The following DDX60 variants were observed in gnomAD, a reference collection of about 807,000 sequenced individuals.
DDX60 encodes DExD/H-box helicase 60, also known as probable ATP-dependent RNA helicase DDX60.
Under a neutral mutation model 212.8 loss-of-function variants are expected in DDX60, and 165 were observed. That is an observed-to-expected ratio of 0.78 (90% CI 0.68 to 0.88). The LOEUF (loss-of-function observed/expected upper bound fraction) is 0.88, where lower values mean the gene tolerates loss of function less well. Among genes scored for constraint, DDX60 ranks in the 40% least tolerant of loss-of-function variants. The pLI is 0.00. For synonymous variants in DDX60, 703 were observed against 685.3 expected (o/e 1.03, Z -0.40); for missense variants, 1,905 against 2,003.9 (o/e 0.95, Z 0.94).
chr4:168,224,687 T>C (rs1023141712), intron 34 of DDX60, among the ~76,000 whole-genome samples: 27 of 152,090 alleles, frequency 1.8e-4, no homozygotes, highest in African/African-American at 6.3e-4. Flanking sequence ...AGAGAATTAT[T>C]GTTATTACCT....
chr4:168,227,209 TG>T (rs1417474216), intron 33 of DDX60, among the ~76,000 whole-genome samples: 3 of 115,996 alleles, frequency 2.6e-5, no homozygotes, highest in East Asian at 2.3e-4. Context: ...TTTGTGGGAA[TG>T]TTTTTTTTTT....
Position 168,293,964 on chromosome 4 carries a change from G to T in DDX60, c.724-19C>A. The T allele has an allele frequency of 6.2e-7, 1 of 1,601,326 alleles. No individual in the cohort carries two copies. Among genetic ancestry groups the T allele is most frequent in the Non-Finnish European group, 8.5e-7 (1 of 1,175,960 alleles). On this transcript the variant is annotated intron_variant, in intron 6 of 37. Coordinates refer to ENST00000393743, the MANE Select transcript of DDX60 (RefSeq NM_017631.6). ...TGTGTGCCTGTCAAAGAAAAAAATT[G>T]TAATGTGTCATGCTATTTAGAAAAA...
intron 30 of DDX60, among the ~76,000 whole-genome samples, chr4:168,239,954 A>G (rs1164616000): frequency 2.0e-5 from 3 of 152,134 alleles, no homozygotes; most frequent in African/African-American, 7.2e-5. Flanking sequence ...TATTCAATAC[A>G]GTATTGAAAG....
At chr4:168,282,557 T>C (rs2149526975) in intron 13 of DDX60, among the ~76,000 whole-genome samples, 1 of 152,338 alleles carries the variant, frequency 6.6e-6, no homozygotes, top group East Asian at 1.9e-4. Flanking sequence ...TTATTTGTGA[T>C]TGGTTTTGTT....
chr4:168,307,269 C>T (rs960481625), intron 4 of DDX60, among the ~76,000 whole-genome samples: 5 of 152,064 alleles, frequency 3.3e-5, no homozygotes, highest in Admixed American at 1.3e-4. Context: ...TGCAAAATGA[C>T]TGAAAAGACT....
rs1226030061 is a variant in DDX60, at chr4:168,224,242, C to T, written c.4824+1G>A. The T allele has an allele frequency of 1.2e-6, 2 of 1,611,924 alleles. No individual in the cohort carries two copies. Among genetic ancestry groups the T allele is most frequent in the Non-Finnish European group, 1.7e-6 (2 of 1,178,680 alleles). On this transcript the variant is annotated splice_donor_variant, in intron 35 of 37. Transcript: ENST00000393743. LOFTEE classifies it high-confidence loss of function. The stretch of plus-strand genomic sequence containing the variant: ...ATTAATAAACCCCACTCTTCACTTA[C>T]ATGGTTTGGAGTTTCTAGTCGAAGC...
At chr4:168,232,812 C>T (rs980154747) in intron 33 of DDX60, among the ~76,000 whole-genome samples, 42 of 151,840 alleles carry the variant, frequency 2.8e-4, no homozygotes, top group African/African-American at 9.2e-4. Flanking sequence ...AAAGGCTTCA[C>T]GACCAAGAAC....
Position 168,221,827 on chromosome 4 carries a change from G to A in DDX60, c.4879C>T (p.Gln1627Ter). 1.2e-6 allele frequency: 2 copies of A among 1,613,316 alleles called. No individual in the cohort carries two copies. The highest frequency in any genetic ancestry group is 1.7e-6 in the Non-Finnish European group (2 of 1,179,544). ...TTCCTTCCTCGGTTATCAAATTTCT[G>A]TGACAACAGCACTGGAGCCTGAGAG... The part of the protein sequence containing the change: ...NRSQAPVLLS[Q>*]KFDNRGRKMS... The change falls in exon 36 of 38, where the codon CAG (glutamine) becomes TAG (stop). Residue 1627 changes from glutamine (Q) to a stop codon, truncating the protein, a stop_gained. Coordinates refer to ENST00000393743, the MANE Select transcript of DDX60 (RefSeq NM_017631.6). LOFTEE classifies it high-confidence loss of function.
At chr4:168,237,503 A>C (rs1733671629) in intron 31 of DDX60, 76 bp from the exon 32 acceptor site, 3 of 1,359,648 alleles carry the variant, frequency 2.2e-6, no homozygotes, top group Non-Finnish European at 3.0e-6. Context: ...ACCAGTTTAA[A>C]ATAGTATTTA....
upstream of DDX60, among the ~76,000 whole-genome samples, chr4:168,321,039 T>C (rs1387801671): frequency 2.0e-5 from 3 of 152,238 alleles, no homozygotes; most frequent in Non-Finnish European, 2.9e-5. Context: ...TTGTTTCGAC[T>C]TTCAGTGACC....
intron 36 of DDX60, among the ~76,000 whole-genome samples, chr4:168,220,936 A>C (rs1733029720): frequency 6.6e-6 from 1 of 152,156 alleles, no homozygotes; most frequent in African/African-American, 2.4e-5. Flanking sequence ...TATAAGCAAT[A>C]AAAATAGGAG....
intron 8 of DDX60, 44 bp from the exon 9 acceptor site, chr4:168,288,359 T>C: frequency 7.4e-7 from 1 of 1,348,256 alleles, no homozygotes; most frequent in Admixed American, 2.3e-5. Flanking sequence ...ATATTCATAT[T>C]AGCAATAAAC....
chr4:168,308,708 G>A (rs1350205803), intron 3 of DDX60, among the ~76,000 whole-genome samples: 1 of 147,656 alleles, frequency 6.8e-6, no homozygotes, highest in Admixed American at 6.8e-5. Context: ...TATTATATAT[G>A]TATATATATT....
chr4:168,301,461 C>T (rs1281451487), intron 6 of DDX60, among the ~76,000 whole-genome samples: 11 of 152,138 alleles, frequency 7.2e-5, no homozygotes, highest in Non-Finnish European at 1.5e-4. Flanking sequence ...TGTAAAAGAA[C>T]ACAAGCGCCA....
intron 1 of DDX60, among the ~76,000 whole-genome samples, chr4:168,314,814 AACTAATAT>A (rs1737294010): frequency 6.6e-6 from 1 of 152,242 alleles, no homozygotes; most frequent in African/African-American, 2.4e-5. Context: ...TATATACTTA[AACTAATAT>A]ACTAATATTA....
At chr4:168,312,715 A>G (rs1157461292) in intron 1 of DDX60, among the ~76,000 whole-genome samples, 1 of 68,876 alleles carries the variant, frequency 1.5e-5, no homozygotes, top group East Asian at 2.9e-4. Flanking sequence ...ATAGATATAG[A>G]TGATGGATAC....
At chr4:168,297,608 T>C (rs527540902) in intron 6 of DDX60, among the ~76,000 whole-genome samples, 1 of 152,230 alleles carries the variant, frequency 6.6e-6, no homozygotes, top group Admixed American at 6.5e-5. Context: ...AAAATATTTG[T>C]ATCATTGCAC....
At chr4:168,258,281 C>A (rs529517886) in intron 25 of DDX60, among the ~76,000 whole-genome samples, 2 of 152,124 alleles carry the variant, frequency 1.3e-5, no homozygotes, top group Non-Finnish European at 2.9e-5. Flanking sequence ...TCTCATTTTG[C>A]AAATAAGTAA....
intron 6 of DDX60, among the ~76,000 whole-genome samples, chr4:168,296,863 C>T (rs1736364658): frequency 7.0e-6 from 1 of 142,898 alleles, no homozygotes. Context: ...TTCGAACATA[C>T]AAAAAGTGAT....
Sources: allele counts gnomAD v4.1 joint callset (sites outside exome capture counted in the v4.1 genomes callset), GRCh38; gene constraint gnomAD v4.1.1; transcripts MANE v1.5; gene names NCBI Gene and HGNC (gene_info 2026-07-23, HGNC 2026-07-21).